Variants in NIPSNAP2 observed in about 807,000 individuals in gnomAD.
The protein encoded by NIPSNAP2 is protein NipSnap homolog 2.
Under a neutral mutation model 48.4 loss-of-function variants are expected in NIPSNAP2, and 42 were observed. The observed-to-expected ratio is 0.87, with a 90% CI of 0.68 to 1.12. The LOEUF (loss-of-function observed/expected upper bound fraction) is 1.12, where lower values mean the gene tolerates loss of function less well. Among genes scored for constraint, NIPSNAP2 ranks in the 50% most tolerant of loss-of-function variants. The pLI, the probability that NIPSNAP2 is intolerant of heterozygous loss-of-function variation, is 0.00. For missense variants in NIPSNAP2, 314 were observed against 347.3 expected (o/e 0.90, Z 0.76); for synonymous variants, 158 against 126.6 (o/e 1.25, Z -1.67).
chr7:55,991,759 A>ATATATATATATATAT (rs1270864932), intron 7 of NIPSNAP2: 6 of 126,598 alleles, frequency 4.7e-5, no homozygotes, highest in Non-Finnish European at 1.0e-4. Flanking sequence ...AAAAAAAAAA[A>ATATATATATATATAT]AAAAAAATAT....
intron 8 of NIPSNAP2, 60 bp downstream of exon 8, chr7:55,995,048 G>C: frequency 7.3e-7 from 1 of 1,360,634 alleles, no homozygotes. Context: ...AAGTTGTACT[G>C]GGAAGTAGAG....
intron 1 of NIPSNAP2, among the ~76,000 whole-genome samples, chr7:55,972,928 C>T (rs778470531): frequency 1.3e-5 from 2 of 152,020 alleles, no homozygotes; most frequent in Non-Finnish European, 2.9e-5. Context: ...CATGGTGAAA[C>T]CCTGTCTCTA....
intron 1 of NIPSNAP2, among the ~76,000 whole-genome samples, chr7:55,972,328 C>T (rs1047720015): frequency 2.0e-5 from 3 of 150,884 alleles, no homozygotes. Context: ...AAAGAACATA[C>T]AGAAATTACA....
intron 8 of NIPSNAP2, 117 bp from the exon 9 acceptor site, chr7:55,997,249 C>A: frequency 1.4e-6 from 1 of 732,888 alleles, no homozygotes; most frequent in Non-Finnish European, 2.4e-6. Context: ...ATATTACACA[C>A]CTGAAGTAGT....
Position 55,982,195 on chromosome 7 carries a change from T to C in NIPSNAP2, c.374-15T>C. ...GAAATTCTAAACGTATACTGTCTTT[T>C]AAAATGCATTTCAGTCCACCTCTGG... On this transcript the variant is annotated splice_polypyrimidine_tract_variant and intron_variant, in intron 4 of 9. Transcript: ENST00000322090. The C allele has an allele frequency of 6.4e-7, 1 of 1,566,986 alleles. No individual in the cohort carries two copies. Among genetic ancestry groups the C allele is most frequent in the Non-Finnish European group, 8.8e-7 (1 of 1,138,372 alleles).
chr7:55,973,775 A>G lies in NIPSNAP2; in HGVS notation c.93-4351A>G, dbSNP rs1342817355. On this transcript the variant is annotated intron_variant, in intron 1 of 9. Coordinates refer to ENST00000322090, the MANE Select transcript of NIPSNAP2 (RefSeq NM_001483.3). Reference sequence around the variant, plus strand: ...CTGGGATTTAGAAGCGTGAGCCACCACTCCCGGCCAATATATTTGTATTTG... The same window carrying G: ...CTGGGATTTAGAAGCGTGAGCCACCGCTCCCGGCCAATATATTTGTATTTG... Among the ~76,000 whole-genome samples, 5 of 151,238 alleles carry G rather than the reference A, an allele frequency of 3.3e-5. No individual in the cohort carries two copies. The East Asian group carries it at 9.7e-4, about 29-fold the overall frequency.
intron 7 of NIPSNAP2, among the ~76,000 whole-genome samples, chr7:55,989,187 A>G (rs1787393922): frequency 6.6e-6 from 1 of 152,226 alleles, no homozygotes; most frequent in Non-Finnish European, 1.5e-5. Flanking sequence ...ACGTCCTCCC[A>G]GGAGCTACCT....
At position 55,967,632 on chromosome 7, in the gene NIPSNAP2, A is replaced by ATTATTTATTTATTTAT. The variant is rs61430146; in HGVS notation, c.92+2950_92+2965dup. Among the ~76,000 whole-genome samples, 167 of 142,804 alleles carry ATTATTTATTTATTTAT rather than the reference A, an allele frequency of 1.2e-3. 1 individual carries two copies. Among genetic ancestry groups the ATTATTTATTTATTTAT allele is most frequent in the African/African-American group, 1.7e-3 (65 of 38,242 alleles). 93.7% of individuals were successfully genotyped at this position (142,804 alleles called of 152,430 possible). ...CAGGCCCACACCACCATGCCCAGCT[A>ATTATTTATTTATTTAT]TTATTTATTTATTTATTTATTTATT... On this transcript the variant is annotated intron_variant, in intron 1 of 9. Coordinates refer to ENST00000322090, the MANE Select transcript of NIPSNAP2 (RefSeq NM_001483.3).
chr7:55,965,197 C>G (rs1017103166), intron 1 of NIPSNAP2: 3 of 152,242 alleles, frequency 2.0e-5, no homozygotes, highest in Non-Finnish European at 2.9e-5. Flanking sequence ...CCCGGGCCAG[C>G]TCTCCGCGGA....
chr7:55,986,493 C>G (rs1645109025), intron 7 of NIPSNAP2, among the ~76,000 whole-genome samples: 1 of 152,012 alleles, frequency 6.6e-6, no homozygotes, highest in African/African-American at 2.4e-5. Flanking sequence ...GAAACCCTGT[C>G]TCTACTAAAA....
At position 55,981,520 on chromosome 7, in the gene NIPSNAP2, CT is replaced by C. The variant is rs1787216700; in HGVS notation, c.329del (p.Leu110TrpfsTer32). The C allele has an allele frequency of 6.2e-7, 1 of 1,613,790 alleles. No homozygotes were observed. Among genetic ancestry groups the C allele is most frequent in the South Asian group, 1.1e-5 (1 of 91,070 alleles). On this transcript the variant is annotated frameshift_variant, in exon 4 of 10. Transcript: ENST00000322090. LOFTEE classifies it high-confidence loss of function. ...KIHEDKHYPC[T>X]LVGTWNTWYG... ...CACGAAGATAAACACTACCCTTGTA[CT>C]TTGGTGGGGACTTGGAACACGTGGT...
At chr7:55,974,721 G>A (rs1416041054) in intron 1 of NIPSNAP2, among the ~76,000 whole-genome samples, 11 of 151,930 alleles carry the variant, frequency 7.2e-5, no homozygotes, top group African/African-American at 1.5e-4. Context: ...GGCGGCGGGC[G>A]CCTGTAGTCT....
chr7:55,987,553 G>T (rs1787356803), intron 7 of NIPSNAP2, among the ~76,000 whole-genome samples: 1 of 152,148 alleles, frequency 6.6e-6, no homozygotes, highest in East Asian at 1.9e-4. Context: ...ACTTGAACCC[G>T]GGAGGTGGAG....
intron 1 of NIPSNAP2, among the ~76,000 whole-genome samples, chr7:55,970,858 C>T (rs752440334): frequency 2.0e-5 from 3 of 152,156 alleles, no homozygotes; most frequent in Non-Finnish European, 2.9e-5. Context: ...AGTGCCCCTA[C>T]TGGAGTCCCT....
At position 55,999,094 on chromosome 7, in the gene NIPSNAP2, C is replaced by G. The variant is rs2116386158; in HGVS notation, c.*22C>G. On this transcript the variant is annotated 3_prime_UTR_variant, in exon 10 of 10. Coordinates refer to ENST00000322090, the MANE Select transcript of NIPSNAP2 (RefSeq NM_001483.3). ...GTAAAGCTGTAGAGTTTCTATGTGCCTACATACATTTCTGTGACAAGTATT... is the reference window on the plus strand; with the variant it reads ...GTAAAGCTGTAGAGTTTCTATGTGCGTACATACATTTCTGTGACAAGTATT... 2 of 1,567,524 alleles carry G rather than the reference C, an allele frequency of 1.3e-6. No homozygotes were observed. The highest frequency in any genetic ancestry group is 4.5e-5 in the East Asian group (2 of 44,602).
chr7:55,998,493 GTTTTTTTTTT>G (rs1164855630), intron 9 of NIPSNAP2, among the ~76,000 whole-genome samples: 89 of 63,196 alleles, frequency 1.4e-3, no homozygotes, highest in Admixed American at 3.8e-3. Flanking sequence ...GGTAGGATCT[GTTTTTTTTTT>G]TTTTTTTTTT....
At position 55,982,238 on chromosome 7, in the gene NIPSNAP2, T is replaced by C. The variant is rs535466489; in HGVS notation, c.402T>C (p.Tyr134=). 1.2e-5 allele frequency: 20 copies of C among 1,610,362 alleles called. No individual in the cohort carries two copies. In the South Asian group the frequency reaches 2.0e-4, roughly 16 times the overall value. ...ACCTCTGGAGGTATGAAGGAGGCTA[T>C]CCAGCCCTCACAGAAGTCATGAATA... ...AVHLWRYEGG[Y]PALTEVMNKL... is the part of the protein sequence containing the mutation. The change falls in exon 5 of 10, where the codon TAT becomes TAC. Residue 134 remains tyrosine, a synonymous_variant. Coordinates refer to ENST00000322090, the MANE Select transcript of NIPSNAP2 (RefSeq NM_001483.3).
chr7:55,983,245 T>C (rs751540313), intron 5 of NIPSNAP2, among the ~76,000 whole-genome samples: 3 of 152,198 alleles, frequency 2.0e-5, no homozygotes, highest in Non-Finnish European at 4.4e-5. Flanking sequence ...GTCACACACA[T>C]AGAGTTTATC....
chr7:55,979,569 C>G (rs1562764211), intron 3 of NIPSNAP2: 1 of 339,182 alleles, frequency 2.9e-6, no homozygotes. Flanking sequence ...GTTTCCTTCT[C>G]CATCTCTCTC....
Sources: gnomAD v4.1 joint callset for allele counts (sites outside exome capture counted in the v4.1 genomes callset) on GRCh38, gnomAD v4.1.1 for gene constraint, MANE v1.5 for transcripts, NCBI Gene and HGNC (gene_info 2026-07-23, HGNC 2026-07-21) for gene names.